SLC37A1: variants seen among roughly 807,000 people sequenced by gnomAD.
SLC37A1 encodes glucose-6-phosphate exchanger SLC37A1.
Under a neutral mutation model 75.3 loss-of-function variants are expected in SLC37A1, and 49 were observed. The ratio of observed to expected loss-of-function variants is 0.65; its 90% CI spans 0.52 to 0.83. SLC37A1 has a LOEUF of 0.83. Ranked by LOEUF, SLC37A1 falls within the 40% of genes least tolerant of loss-of-function variation. SLC37A1 has a pLI of 0.00. For missense variants in SLC37A1, 566 were observed against 695.0 expected, an observed-to-expected ratio of 0.81 and a Z score of 2.09; for synonymous variants, 268 against 292.1, an observed-to-expected ratio of 0.92 and a Z score of 0.84.
chr21:42,513,683 C>A (rs1339891149), upstream of SLC37A1, among the ~76,000 whole-genome samples: 21 of 149,772 alleles, frequency 1.4e-4, no homozygotes, highest in Admixed American at 1.4e-3. Flanking sequence ...GGCGTGGGGG[C>A]GCCCCCGCCC....
chr21:42,505,615 C>T (rs1048869617), intron 2 of SLC37A1, among the ~76,000 whole-genome samples: 4 of 152,138 alleles, frequency 2.6e-5, no homozygotes, highest in Non-Finnish European at 5.9e-5. Flanking sequence ...TGGCTTCAGC[C>T]CCCAGCAGGT....
At chr21:42,579,527 C>CACA in intron 18 of SLC37A1, among the ~76,000 whole-genome samples, 1 of 152,116 alleles carries the variant, frequency 6.6e-6, no homozygotes, top group African/African-American at 2.4e-5. Flanking sequence ...CAGCCCTGCC[C>CACA]TCATCAGACA....
Position 42,554,101 on chromosome 21 carries a change from C to A in SLC37A1, c.808C>A (p.Leu270Ile), listed in dbSNP as rs2055624144. 4 of 1,613,600 alleles carry A rather than the reference C, an allele frequency of 2.5e-6. No individual in the cohort carries two copies. The African/African-American group carries it at 5.3e-5, about 22-fold the overall frequency. ...TGAGAATGGTACAAACAGATTGAGA[C>A]TCCAGAAGCAAATCTTGAAGAGCGA... ...GYENGTNRLRLQKQILKSEKN... is the reference protein window; with the variant it reads ...GYENGTNRLRIQKQILKSEKN... The change falls in exon 10 of 20, where the codon CTC becomes ATC. Residue 270 changes from leucine to isoleucine, a missense_variant. Leu to Ile is a conservative substitution (Grantham distance 5, BLOSUM62 2). Transcript: ENST00000352133.
Position 42,575,990 on chromosome 21 carries a change from G to A in SLC37A1, c.1521+1075G>A, listed in dbSNP as rs79288056. The A allele has an allele frequency of 0.011, 11,198 of 976,952 alleles. 890 individuals carry two copies. The African/African-American group carries it at 0.18, about 15-fold the overall frequency. 60.5% of individuals were successfully genotyped at this position (976,952 alleles called of 1,614,324 possible). On this transcript the variant is annotated intron_variant, in intron 18 of 19. Coordinates refer to ENST00000352133, the MANE Select transcript of SLC37A1 (RefSeq NM_001320537.2). ...GAAATATCTTCTTTAGAACTATCTG[G>A]TAATATATATTGAAAATTGTTTTGA...
At position 42,562,073 on chromosome 21, in the gene SLC37A1, T is replaced by C; in HGVS notation, c.982-5T>C. On this transcript the variant is annotated splice_region_variant and splice_polypyrimidine_tract_variant and intron_variant, in intron 11 of 19. Transcript: ENST00000352133. ...GAGGAGACGCCTGACTGCTCTCTCTTTCAGGGCGTGATAGAGTTCTCACTG... is the reference window on the plus strand; with the variant it reads ...GAGGAGACGCCTGACTGCTCTCTCTCTCAGGGCGTGATAGAGTTCTCACTG... The C allele has an allele frequency of 1.2e-6, 2 of 1,613,522 alleles. No individual in the cohort carries two copies. Among genetic ancestry groups the C allele is most frequent in the South Asian group, 1.1e-5 (1 of 91,074 alleles).
At chr21:42,554,812 C>T (rs998824399) in intron 10 of SLC37A1, among the ~76,000 whole-genome samples, 2 of 152,152 alleles carry the variant, frequency 1.3e-5, no homozygotes, top group African/African-American at 4.8e-5. Flanking sequence ...GCACCTGAGC[C>T]TCCTGTGCCC....
chr21:42,568,782 T>C (rs948130036), intron 17 of SLC37A1, among the ~76,000 whole-genome samples: 1 of 140,284 alleles, frequency 7.1e-6, no homozygotes. Flanking sequence ...GAAAAACCAA[T>C]TGGTCCAAAA....
intron 7 of SLC37A1, 151 bp downstream of exon 7, chr21:42,542,631 AG>A: frequency 1.3e-6 from 1 of 773,962 alleles, no homozygotes; most frequent in Non-Finnish European, 2.1e-6. Context: ...GCTGAAATTC[AG>A]ATGGCCTGTG....
intron 18 of SLC37A1, among the ~76,000 whole-genome samples, chr21:42,578,232 G>A (rs186104073): frequency 2.0e-4 from 30 of 152,322 alleles, no homozygotes; most frequent in Non-Finnish European, 2.6e-4. Context: ...CCTGGCGCAC[G>A]ACCGAAGGCC....
At chr21:42,569,699 C>T (rs1382656397) in intron 17 of SLC37A1, among the ~76,000 whole-genome samples, 2 of 152,276 alleles carry the variant, frequency 1.3e-5, no homozygotes, top group African/African-American at 2.4e-5. Context: ...TCTCCCCATC[C>T]GCAGTGGGAT....
chr21:42,546,437 G>C (rs1038160588), intron 8 of SLC37A1, among the ~76,000 whole-genome samples: 2 of 151,982 alleles, frequency 1.3e-5, no homozygotes, highest in East Asian at 1.9e-4. Context: ...TTCCAGCCTC[G>C]CTCCCCTGAT....
chr21:42,554,248 A>AGG, intron 10 of SLC37A1, 106 bp downstream of exon 10: 1 of 951,812 alleles, frequency 1.1e-6, no homozygotes, highest in Non-Finnish European at 1.6e-6. Flanking sequence ...TGTGTCACAA[A>AGG]CATCCAGGTC....
At chr21:42,500,621 G>A (rs148602103) in intron 1 of SLC37A1, among the ~76,000 whole-genome samples, 5 of 152,146 alleles carry the variant, frequency 3.3e-5, no homozygotes, top group Admixed American at 1.3e-4. Context: ...TATCTTAATC[G>A]TTTTCAGTCG....
intron 3 of SLC37A1, among the ~76,000 whole-genome samples, chr21:42,530,381 C>T (rs2054917501): frequency 6.6e-6 from 1 of 152,064 alleles, no homozygotes. Context: ...GGAGGCTGGC[C>T]GTGGGCAGGT....
intron 12 of SLC37A1, among the ~76,000 whole-genome samples, chr21:42,563,022 T>G (rs1020000885): frequency 6.6e-6 from 1 of 151,770 alleles, no homozygotes; most frequent in African/African-American, 2.4e-5. Flanking sequence ...GGGAGGGAAG[T>G]TGAGGAGGCG....
intron 17 of SLC37A1, among the ~76,000 whole-genome samples, chr21:42,572,651 A>G (rs999524806): frequency 1.5e-5 from 2 of 132,140 alleles, no homozygotes; most frequent in African/African-American, 2.9e-5. Flanking sequence ...TGTGAAATTG[A>G]TAACAGGTTT....
chr21:42,557,480 G>A (rs1228646923), intron 10 of SLC37A1, among the ~76,000 whole-genome samples: 3 of 152,262 alleles, frequency 2.0e-5, no homozygotes, highest in South Asian at 2.1e-4. Flanking sequence ...GATTATCATC[G>A]GGAGCATGTT....
rs545249914 is a variant in SLC37A1, at chr21:42,580,005, T to A, written c.1586+205T>A. Among the ~76,000 whole-genome samples, 5 of 152,220 alleles carry A rather than the reference T, an allele frequency of 3.3e-5. No individual in the cohort carries two copies. In the South Asian group the frequency reaches 1.0e-3, roughly 32 times the overall value. ...TGGTAATCTCTCCTCAAACCCTGAGTGGAAAATGTGAGGGAATTGCCGTCT... is the reference window on the plus strand; with the variant it reads ...TGGTAATCTCTCCTCAAACCCTGAGAGGAAAATGTGAGGGAATTGCCGTCT... On this transcript the variant is annotated intron_variant, in intron 19 of 19. Coordinates refer to ENST00000352133, the MANE Select transcript of SLC37A1 (RefSeq NM_001320537.2).
chr21:42,547,032 G>A lies in SLC37A1; in HGVS notation c.731-71G>A, dbSNP rs114798089. 537 of 1,594,860 alleles carry A rather than the reference G, an allele frequency of 3.4e-4. 2 individuals carry two copies. In the African/African-American group the frequency reaches 6.4e-3, roughly 19 times the overall value. On this transcript the variant is annotated intron_variant, in intron 8 of 19. Transcript: ENST00000352133. This position sits in a 1 kb window ranked among gnomAD's most constrained non-coding sequence, Gnocchi z 6.1. ...GGTGCTCCCGTGTTGCCCTGTCCTC[G>A]GGTTACGTAGCTTACTTGGCATTGC...
Sources: allele counts gnomAD v4.1 joint callset (sites outside exome capture counted in the v4.1 genomes callset), GRCh38; gene constraint gnomAD v4.1.1; non-coding constraint Gnocchi (gnomAD v3.1); transcripts MANE v1.5; gene names NCBI Gene and HGNC (gene_info 2026-07-23, HGNC 2026-07-21).